Variants in GBP7 observed in about 807,000 individuals in gnomAD.
GBP7 encodes guanylate binding protein 7.
GBP7 carries 43 observed loss-of-function variants against 61.3 expected under a neutral mutation model. The observed-to-expected ratio is 0.70, with a 90% confidence interval of 0.55 to 0.91. The LOEUF is 0.91. Among genes scored for constraint, GBP7 ranks in the 40% least tolerant of loss-of-function variants. The probability of loss-of-function intolerance (pLI) is 0.00; values close to 1 mark genes in which losing one functional copy is unlikely to be tolerated. For missense variants in GBP7, 717 were observed against 740.5 expected, an observed-to-expected ratio of 0.97 and a Z score of 0.37; for synonymous variants, 267 against 271.0, an observed-to-expected ratio of 0.99 and a Z score of 0.14.
intron 10 of GBP7, 94 bp from the exon 11 acceptor site, chr1:89,132,497 T>C (rs1347740571): frequency 2.2e-6 from 2 of 898,966 alleles, no homozygotes; most frequent in African/African-American, 1.7e-5. Context: ...CATGTGTCCA[T>C]TTCTCTAACA....
chr1:89,175,292 A>C (rs1647710979), intron 1 of GBP7, among the ~76,000 whole-genome samples: 1 of 152,158 alleles, frequency 6.6e-6, no homozygotes, highest in African/African-American at 2.4e-5. Flanking sequence ...GATGGAAAAA[A>C]AGCCGTTTAT....
chr1:89,147,859 T>C (rs1682104761), intron 7 of GBP7, 80 bp from the exon 8 acceptor site: 2 of 1,427,976 alleles, frequency 1.4e-6, no homozygotes, highest in Non-Finnish European at 2.0e-6. Flanking sequence ...TTGGAAGAAG[T>C]AGTCTCATGG....
chr1:89,155,831 C>T (rs954712991), intron 3 of GBP7, among the ~76,000 whole-genome samples: 3 of 152,124 alleles, frequency 2.0e-5, no homozygotes, highest in African/African-American at 7.2e-5. Flanking sequence ...GGCAGGCCAA[C>T]ATTCAAATTC....
chr1:89,157,480 G>A (rs1682343052), intron 3 of GBP7, among the ~76,000 whole-genome samples: 2 of 152,046 alleles, frequency 1.3e-5, no homozygotes, highest in African/African-American at 4.8e-5. Flanking sequence ...AAGAAGAAAA[G>A]AGAGAAGAAT....
At chr1:89,132,548 T>C (rs182047679) in intron 10 of GBP7, 145 bp from the exon 11 acceptor site, 10 of 642,234 alleles carry the variant, frequency 1.6e-5, no homozygotes, top group African/African-American at 1.1e-4. Context: ...CATTTCCAGA[T>C]GACTGGACCT....
At chr1:89,149,620 T>C (rs1052599127) in intron 6 of GBP7, 48 bp from the exon 7 acceptor site, 17 of 1,519,634 alleles carry the variant, frequency 1.1e-5, no homozygotes, top group Non-Finnish European at 1.4e-5. Context: ...TTTTCACTCA[T>C]TGTTTTACGA....
intron 3 of GBP7, 141 bp downstream of exon 3, chr1:89,164,589 TC>T (rs1312580838): frequency 1.3e-6 from 1 of 794,960 alleles, no homozygotes; most frequent in East Asian, 2.9e-5. Flanking sequence ...GAAAGTAAGT[TC>T]CAGAAAATGA....
chr1:89,142,181 C>T lies in GBP7; in HGVS notation c.1366-533G>A, dbSNP rs377638841. On this transcript the variant is annotated intron_variant, in intron 8 of 10. Transcript: ENST00000294671. Reference sequence around the variant, plus strand: ...TCAAATTTAATTTAAAAAGTTAAAACCTTAAAAAGACCGAACAGGTAACTG... The same window carrying T: ...TCAAATTTAATTTAAAAAGTTAAAATCTTAAAAAGACCGAACAGGTAACTG... 3.7e-4 allele frequency among the ~76,000 whole-genome samples: 56 copies of T among 149,448 alleles called. 6 individuals are homozygous for T. The highest frequency in any genetic ancestry group is 9.4e-4 in the Admixed American group (14 of 14,868).
intron 2 of GBP7, among the ~76,000 whole-genome samples, chr1:89,166,224 G>C (rs1406044846): frequency 6.6e-6 from 1 of 152,194 alleles, no homozygotes; most frequent in Non-Finnish European, 1.5e-5. Flanking sequence ...AAGAGGTCCG[G>C]GTACTGGGTT....
intron 9 of GBP7, among the ~76,000 whole-genome samples, chr1:89,134,568 G>A (rs1179177860): frequency 2.0e-5 from 3 of 150,068 alleles, no homozygotes; most frequent in Non-Finnish European, 4.4e-5. Flanking sequence ...CAGCTCAGGA[G>A]TGCTGATCTG....
At chr1:89,135,170 G>A (rs992301016) in intron 9 of GBP7, among the ~76,000 whole-genome samples, 1 of 152,052 alleles carries the variant, frequency 6.6e-6, no homozygotes, top group Non-Finnish European at 1.5e-5. Context: ...AAAAAAGAAT[G>A]AACAAAATCT....
At chr1:89,148,093 G>A (rs1481027629) in intron 7 of GBP7, among the ~76,000 whole-genome samples, 1 of 152,190 alleles carries the variant, frequency 6.6e-6, no homozygotes, top group Non-Finnish European at 1.5e-5. Flanking sequence ...TGGATAAAAT[G>A]TGCACACAGA....
intron 3 of GBP7, among the ~76,000 whole-genome samples, chr1:89,155,376 G>A (rs1682294858): frequency 6.6e-6 from 1 of 152,210 alleles, no homozygotes; most frequent in African/African-American, 2.4e-5. Flanking sequence ...GAGAGAAGAA[G>A]GCTTCAGACA....
In GBP7 at chr1:89,149,424, C is replaced by T. The variant is rs143684763; in HGVS notation, c.1020G>A (p.Gln340=). 20 of 1,614,052 alleles carry T rather than the reference C, an allele frequency of 1.2e-5. No individual in the cohort carries two copies. The African/African-American group carries it at 2.7e-4, about 22-fold the overall frequency. The change falls in exon 7 of 11, where the codon CAG becomes CAA. Residue 340 remains glutamine (Q), a synonymous_variant. Coordinates refer to ENST00000294671, the MANE Select transcript of GBP7 (RefSeq NM_207398.3). The stretch of plus-strand genomic sequence containing the variant: ...GTGTGTCTGTGGGGAATCTCACTTG[C>T]TGGGCCATCTGCTGGCTGTAGTGGT... The part of the protein sequence containing the change: ...AANHYSQQMA[Q]QVRFPTDTLQ...
Position 89,147,636 on chromosome 1 carries a change from G to T in GBP7, c.1296C>A (p.His432Gln), listed in dbSNP as rs749926873. 1 of 1,614,044 alleles carries T rather than the reference G, an allele frequency of 6.2e-7. No individual in the cohort carries two copies. Among genetic ancestry groups the T allele is most frequent in the Non-Finnish European group, 8.5e-7 (1 of 1,179,990 alleles). ...TCTTTTTTGCTTCTAAGTAGATATT[G>T]TGCCCCCCCGGAACAAAGAAAGTTC... ...SRGTFFVPGG[H>Q]NIYLEAKKKI... is the part of the protein sequence containing the mutation. Residue 432 changes from histidine (H) to glutamine (Q), a missense_variant, in exon 8 of 11, where the codon CAC becomes CAA. Around this residue, in one of 3 missense-constraint regions of GBP7, gnomAD observed 312 missense variants for 310.1 expected, o/e 1.01. Coordinates refer to ENST00000294671, the MANE Select transcript of GBP7 (RefSeq NM_207398.3).
chr1:89,148,235 C>T (rs1682112162), intron 7 of GBP7, among the ~76,000 whole-genome samples: 1 of 152,192 alleles, frequency 6.6e-6, no homozygotes, highest in Admixed American at 6.5e-5. Context: ...TTATCTTTTG[C>T]TTACACTTCT....
At chr1:89,171,299 G>A (rs1647589778) in intron 2 of GBP7, among the ~76,000 whole-genome samples, 1 of 152,118 alleles carries the variant, frequency 6.6e-6, no homozygotes, top group Non-Finnish European at 1.5e-5. Flanking sequence ...GTAGCTTGGT[G>A]CTTTGTAAGC....
intron 3 of GBP7, among the ~76,000 whole-genome samples, chr1:89,158,313 C>T (rs1682362244): frequency 6.6e-6 from 1 of 152,136 alleles, no homozygotes. Context: ...GACGGGATGC[C>T]CTCTCTCACC....
chr1:89,154,086 C>G (rs1335582569), intron 3 of GBP7, among the ~76,000 whole-genome samples: 2 of 152,280 alleles, frequency 1.3e-5, no homozygotes, highest in African/African-American at 4.8e-5. Context: ...TAAATGCTGA[C>G]CAAATCCACA....
Sources: allele counts gnomAD v4.1 joint callset (sites outside exome capture counted in the v4.1 genomes callset), GRCh38; gene constraint gnomAD v4.1.1; regional missense constraint gnomAD v4.1.1; transcripts MANE v1.5; gene names NCBI Gene and HGNC (gene_info 2026-07-23, HGNC 2026-07-21).